NOTCH2NLB: variants seen among roughly 807,000 people sequenced by gnomAD.
The protein encoded by NOTCH2NLB is notch homolog 2 N-terminal-like protein B.
A neutral mutation model predicts 14.8 loss-of-function variants in NOTCH2NLB; 1 was observed. The ratio of observed to expected loss-of-function variants is 0.07; its 90% CI spans 0.02 to 0.32. NOTCH2NLB has a LOEUF of 0.32. Ranked by LOEUF, NOTCH2NLB falls within the 10% of genes least tolerant of loss-of-function variation. The probability of loss-of-function intolerance (pLI) is 1.00; values close to 1 mark genes in which losing one functional copy is unlikely to be tolerated. For missense variants in NOTCH2NLB, 11 were observed against 155.0 expected, an observed-to-expected ratio of 0.07 and a Z score of 4.93; for synonymous variants, 6 against 57.5, an observed-to-expected ratio of 0.10 and a Z score of 4.05.
intron 1 of NOTCH2NLB, among the ~76,000 whole-genome samples, chr1:148,649,645 G>C (rs1664450569): frequency 6.6e-6 from 1 of 151,638 alleles, no homozygotes; most frequent in South Asian, 2.1e-4. Context: ...CGAGTAGCTG[G>C]GACTATAGGT....
chr1:148,701,368 G>C, the NOTCH2NLB span, among the ~76,000 whole-genome samples: 4 of 134,482 alleles, frequency 3.0e-5, no homozygotes, highest in Non-Finnish European at 6.3e-5. Context: ...CGCTGGGGCT[G>C]GCTTATGTTG....
In NOTCH2NLB at chr1:148,670,536, A is replaced by G. The variant is rs1664745072; in HGVS notation, c.3+8926T>C. Among the ~76,000 whole-genome samples, 65 of 45,218 alleles carry G rather than the reference A, an allele frequency of 1.4e-3. 4 individuals are homozygous for G. Among genetic ancestry groups the G allele is most frequent in the Admixed American group, 2.7e-3 (12 of 4,430 alleles). The allele number at this position is 45,218 out of a possible 152,430, so 29.7% of individuals were successfully genotyped here. A position where few individuals can be genotyped will look rare whatever the true frequency, so the allele number is the denominator to read the frequency against. On this transcript the variant is annotated intron_variant, in intron 1 of 4. Coordinates refer to ENST00000593495, the Ensembl canonical transcript of NOTCH2NLB. ...GTAGATCTGTTCATAAACTAAAAAA[A>G]AAAATATATATATATACATATATAT...
At chr1:148,650,380 ATAT>A (rs1664470402) in intron 1 of NOTCH2NLB, among the ~76,000 whole-genome samples, 3 of 78,890 alleles carry the variant, frequency 3.8e-5, no homozygotes, top group South Asian at 8.0e-4. Flanking sequence ...GATTATTTTT[ATAT>A]TATTATCTGG....
intron 2 of NOTCH2NLB, among the ~76,000 whole-genome samples, chr1:148,625,580 C>A (rs1174703662): frequency 1.7e-5 from 2 of 115,496 alleles, no homozygotes; most frequent in African/African-American, 3.9e-5. Context: ...TCTTTACTCC[C>A]TCTGGGCTAG....
chr1:148,610,378 A>AGAAG (rs1663661946), intron 3 of NOTCH2NLB, among the ~76,000 whole-genome samples: 31 of 121,870 alleles, frequency 2.5e-4, no homozygotes, highest in African/African-American at 4.9e-4. Flanking sequence ...AGAAAGAGAA[A>AGAAG]GAAAGAAAGA....
upstream of NOTCH2NLB, among the ~76,000 whole-genome samples, chr1:148,680,973 G>A (rs1247083507): frequency 9.2e-5 from 14 of 152,230 alleles, no homozygotes; most frequent in Non-Finnish European, 2.1e-4. Context: ...AGTCAGAAGA[G>A]TAAGTAAATG....
rs1347581270 is a variant in NOTCH2NLB at position 148,670,535 on chromosome 1, A to ATATATATATAT, written c.3+8926_3+8927insATATATATATA. On this transcript the variant is annotated intron_variant, in intron 1 of 4. Transcript: ENST00000593495. Reference sequence around the variant, plus strand: ...TGTAGATCTGTTCATAAACTAAAAAAAAAAATATATATATATACATATATA... The same window carrying ATATATATATAT: ...TGTAGATCTGTTCATAAACTAAAAAATATATATATATAAAAATATATATATATACATATATA... Among the ~76,000 whole-genome samples the ATATATATATAT allele has an allele frequency of 2.0e-3, 122 of 60,218 alleles. 1 individual carries two copies. Among genetic ancestry groups the ATATATATATAT allele is most frequent in the East Asian group, 3.5e-3 (4 of 1,154 alleles). 39.5% of individuals were successfully genotyped at this position (60,218 alleles called of 152,430 possible).
At chr1:148,700,933 T>G in the NOTCH2NLB span, among the ~76,000 whole-genome samples, 2 of 79,422 alleles carry the variant, frequency 2.5e-5, 1 homozygote, top group Non-Finnish European at 5.2e-5. Context: ...ATTTTTGCCA[T>G]GAAAGCATTT....
At chr1:148,622,273 G>A (rs1378348628) in intron 2 of NOTCH2NLB, among the ~76,000 whole-genome samples, 1 of 106,856 alleles carries the variant, frequency 9.4e-6, no homozygotes, top group Non-Finnish European at 1.8e-5. Context: ...AGGAGGCTGA[G>A]GCAGGAGAAT....
intron 1 of NOTCH2NLB, among the ~76,000 whole-genome samples, chr1:148,651,181 A>G (rs1246745822): frequency 7.6e-6 from 1 of 131,532 alleles, no homozygotes; most frequent in African/African-American, 2.8e-5. Flanking sequence ...ATATATATAT[A>G]TATATATATA....
At chr1:148,651,162 AAT>A (rs1218372509) in intron 1 of NOTCH2NLB, among the ~76,000 whole-genome samples, 1,774 of 45,834 alleles carry the variant, frequency 0.039, 11 homozygotes, top group Middle Eastern at 0.067. Context: ...AAAAAAAAAA[AAT>A]ATATATATAT....
chr1:148,638,387 T>C (rs1330052365), intron 2 of NOTCH2NLB, among the ~76,000 whole-genome samples: 3 of 148,984 alleles, frequency 2.0e-5, no homozygotes, highest in Admixed American at 1.3e-4. Flanking sequence ...ATGACCATAA[T>C]GCAATGGGGT....
chr1:148,610,391 G>A lies in NOTCH2NLB; in HGVS notation c.338-2646C>T, dbSNP rs1663664226. On this transcript the variant is annotated intron_variant, in intron 3 of 4. Coordinates refer to ENST00000593495, the Ensembl canonical transcript of NOTCH2NLB. Reference sequence around the variant, plus strand: ...AAAGAAAGAGAAAGAAAGAAAGAAAGAAAGGGAGAAAGAAAGAAAGAATCA... The same window carrying A: ...AAAGAAAGAGAAAGAAAGAAAGAAAAAAAGGGAGAAAGAAAGAAAGAATCA... Among the ~76,000 whole-genome samples the A allele has an allele frequency of 5.5e-5, 7 of 128,322 alleles. 1 individual carries two copies. The highest frequency in any genetic ancestry group is 4.5e-4 in the Admixed American group (6 of 13,252). The allele number at this position is 128,322 out of a possible 152,430, so 84.2% of individuals were successfully genotyped here.
At chr1:148,651,173 A>ATATATATATATG in intron 1 of NOTCH2NLB, among the ~76,000 whole-genome samples, 1 of 123,098 alleles carries the variant, frequency 8.1e-6, no homozygotes, top group Admixed American at 8.0e-5. Flanking sequence ...ATATATATAT[A>ATATATATATATG]TATATATATA....
chr1:148,670,577 T>TAG (rs1664756918), intron 1 of NOTCH2NLB, among the ~76,000 whole-genome samples: 3 of 133,912 alleles, frequency 2.2e-5, no homozygotes, highest in Admixed American at 1.5e-4. Context: ...TATATATATA[T>TAG]AAATAAATCA....
At chr1:148,684,508 C>CAGTT (rs1664954640), upstream of NOTCH2NLB, among the ~76,000 whole-genome samples, 1 of 141,402 alleles carries the variant, frequency 7.1e-6, no homozygotes, top group Non-Finnish European at 1.6e-5. Context: ...AACTGTGAGT[C>CAGTT]AGTTAACCTG....
intron 2 of NOTCH2NLB, among the ~76,000 whole-genome samples, chr1:148,625,339 CTTTTT>C (rs1156615359): frequency 1.7e-5 from 1 of 59,876 alleles, no homozygotes. Context: ...CTGTCTTTAG[CTTTTT>C]TTTTTTTTTT....
chr1:148,674,734 T>C (rs1664815408), intron 1 of NOTCH2NLB, among the ~76,000 whole-genome samples: 1 of 93,916 alleles, frequency 1.1e-5, no homozygotes, highest in African/African-American at 3.7e-5. Context: ...AGCACAGACC[T>C]GGCCCTCAAG....
chr1:148,651,162 A>AATATATATATATATATATATATAT (rs1218372509), intron 1 of NOTCH2NLB, among the ~76,000 whole-genome samples: 1 of 46,024 alleles, frequency 2.2e-5, no homozygotes, highest in Admixed American at 2.7e-4. Flanking sequence ...AAAAAAAAAA[A>AATATATATATATATATATATATAT]ATATATATAT....
Sources: gnomAD v4.1 joint callset for allele counts (sites outside exome capture counted in the v4.1 genomes callset) on GRCh38, gnomAD v4.1.1 for gene constraint, MANE v1.5 for transcripts, NCBI Gene and HGNC (gene_info 2026-07-23, HGNC 2026-07-21) for gene names.